The following TIA1 variants were observed in gnomAD, a reference collection of about 807,000 sequenced individuals.
TIA1 encodes cytotoxic granule associated RNA binding protein TIA1.
TIA1 carries 23 observed loss-of-function variants against 65.9 expected under a neutral mutation model. The ratio of observed to expected loss-of-function variants is 0.35; its 90% CI spans 0.25 to 0.49. TIA1 has a LOEUF of 0.49. Ranked by LOEUF, TIA1 falls within the 20% of genes least tolerant of loss-of-function variation. The pLI, the probability that TIA1 is intolerant of heterozygous loss-of-function variation, is 0.98. For missense variants in TIA1, 371 were observed against 477.9 expected, an observed-to-expected ratio of 0.78 and a Z score of 2.09; for synonymous variants, 147 against 149.4, an observed-to-expected ratio of 0.98 and a Z score of 0.12.
chr2:70,224,558 T>A lies in TIA1; in HGVS notation c.470A>T (p.Lys157Ile), dbSNP rs1213219472. Residue 157 changes from lysine (K) to isoleucine (I), a missense_variant, in exon 7 of 13, where the codon AAA becomes ATA. Lys to Ile is a moderately radical substitution (Grantham distance 102). Coordinates refer to ENST00000433529, the MANE Select transcript of TIA1 (RefSeq NM_022173.4). ...KGYGFVSFFN[K>I]WDAENAIQQM... ...TGCACTTCTCACTGAGCTCACCCATTTGTTGAAAAAGGAGACAAAGCCATA... is the reference window on the plus strand; with the variant it reads ...TGCACTTCTCACTGAGCTCACCCATATGTTGAAAAAGGAGACAAAGCCATA... 1 of 1,614,008 alleles carries A rather than the reference T, an allele frequency of 6.2e-7. No homozygotes were observed. The highest frequency in any genetic ancestry group is 1.7e-5 in the Admixed American group (1 of 60,010).
chr2:70,227,974 C>G (rs1040083705), intron 5 of TIA1, 152 bp from the exon 6 acceptor site: 1 of 359,742 alleles, frequency 2.8e-6, no homozygotes, highest in Admixed American at 4.7e-5. Context: ...CAAATCCTAC[C>G]AATTTTAAAC....
At chr2:70,245,444 T>G (rs1238290613) in intron 1 of TIA1, among the ~76,000 whole-genome samples, 2 of 152,224 alleles carry the variant, frequency 1.3e-5, no homozygotes, top group African/African-American at 2.4e-5. Context: ...TTGAGGGAAT[T>G]AACTTTCATC....
rs113989544 is a variant in TIA1, at chr2:70,241,475, T to A, written c.27-5300A>T. Among the ~76,000 whole-genome samples the A allele has an allele frequency of 2.8e-3, 433 of 152,168 alleles. 2 individuals carry two copies. The highest frequency in any genetic ancestry group is 5.2e-3 in the Non-Finnish European group (356 of 67,992). ...AAAAAAAAAGTTTTGACCAATGAAC[T>A]AGTGGTTTTACATGACTATGAATTC... On this transcript the variant is annotated intron_variant, in intron 1 of 12. Coordinates refer to ENST00000433529, the MANE Select transcript of TIA1 (RefSeq NM_022173.4).
At chr2:70,230,497 G>A (rs1438587207) in intron 3 of TIA1, among the ~76,000 whole-genome samples, 2 of 151,450 alleles carry the variant, frequency 1.3e-5, no homozygotes, top group Admixed American at 1.3e-4. Context: ...CTAAAAATAC[G>A]AAAAATTAGC....
intron 2 of TIA1, among the ~76,000 whole-genome samples, chr2:70,235,199 T>C (rs1360269207): frequency 6.6e-6 from 1 of 152,178 alleles, no homozygotes; most frequent in Non-Finnish European, 1.5e-5. Context: ...GTGGATCACC[T>C]GAGGTCGGGA....
rs1690097997 is a variant in TIA1 at position 70,238,405 on chromosome 2, G to T, written c.27-2230C>A. ...CCTGCCTCAGCCACCCACGTAGCTG[G>T]GGCTACAGGCGCCCGCCACCACGCC... On this transcript the variant is annotated intron_variant, in intron 1 of 12. Coordinates refer to ENST00000433529, the MANE Select transcript of TIA1 (RefSeq NM_022173.4). 2.7e-5 allele frequency among the ~76,000 whole-genome samples: 4 copies of T among 150,174 alleles called. No individual in the cohort carries two copies. The Admixed American group carries it at 2.7e-4, about 10-fold the overall frequency.
At chr2:70,214,858 GCTTA>G (rs1262000838) in intron 11 of TIA1, among the ~76,000 whole-genome samples, 3 of 152,120 alleles carry the variant, frequency 2.0e-5, no homozygotes, top group African/African-American at 4.8e-5. Flanking sequence ...TCTATATTCA[GCTTA>G]CTTAAGACAC....
At chr2:70,221,242 T>C (rs1368510507) in intron 7 of TIA1, among the ~76,000 whole-genome samples, 1 of 151,960 alleles carries the variant, frequency 6.6e-6, no homozygotes, top group African/African-American at 2.4e-5. Context: ...TCTGACCTCA[T>C]GATCTGCTTG....
intron 3 of TIA1, among the ~76,000 whole-genome samples, chr2:70,230,167 C>T (rs531541200): frequency 2.7e-5 from 4 of 149,576 alleles, no homozygotes; most frequent in Admixed American, 6.7e-5. Context: ...GGCATGAACC[C>T]GGAAGGCAGA....
intron 1 of TIA1, among the ~76,000 whole-genome samples, chr2:70,242,394 T>A (rs946178671): frequency 5.5e-5 from 8 of 144,656 alleles, no homozygotes; most frequent in Non-Finnish European, 5.9e-5. Context: ...TAGCCAAGTG[T>A]GATGGTGGGC....
At chr2:70,236,881 G>A (rs1369643180) in intron 1 of TIA1, among the ~76,000 whole-genome samples, 2 of 152,106 alleles carry the variant, frequency 1.3e-5, no homozygotes, top group African/African-American at 4.8e-5. Context: ...GCCTGCCTTG[G>A]CCTCCCAAAG....
Position 70,219,968 on chromosome 2 carries a change from T to C in TIA1, c.475-2974A>G, listed in dbSNP as rs138372291. ...CGCTTAACTAATGTTATGTGTTGAA[T>C]TGTGTCCCTCAAAACGATATGAAGT... is the stretch of plus-strand genomic sequence containing the variant. On this transcript the variant is annotated intron_variant, in intron 7 of 12. Transcript: ENST00000433529. 1.9e-3 allele frequency among the ~76,000 whole-genome samples: 282 copies of C among 152,278 alleles called. 1 individual carries two copies. Among genetic ancestry groups the C allele is most frequent in the Middle Eastern group, 6.8e-3 (2 of 294 alleles).
At chr2:70,216,177 G>T in intron 10 of TIA1, 31 bp downstream of exon 10, 1 of 1,473,378 alleles carries the variant, frequency 6.8e-7, no homozygotes, top group Non-Finnish European at 9.1e-7. Flanking sequence ...ACATTACCAA[G>T]AAAAATGTTT....
In TIA1 at chr2:70,214,649, A is replaced by C. The variant is rs1357518556; in HGVS notation, c.889-155T>G. On this transcript the variant is annotated intron_variant, in intron 11 of 12. Coordinates refer to ENST00000433529, the MANE Select transcript of TIA1 (RefSeq NM_022173.4). ...TTGACTGCTAAAAAAAAAAAAAAAA[A>C]AAAAAAAAACAAAAAACAACAACAA... Among the ~76,000 whole-genome samples, 22 of 151,576 alleles carry C rather than the reference A, an allele frequency of 1.5e-4. No individual in the cohort carries two copies. Among genetic ancestry groups the C allele is most frequent in the Non-Finnish European group, 2.9e-4 (20 of 67,928 alleles).
chr2:70,229,714 G>A (rs917903327), intron 3 of TIA1, among the ~76,000 whole-genome samples: 2 of 152,058 alleles, frequency 1.3e-5, no homozygotes, highest in African/African-American at 4.8e-5. Flanking sequence ...CAAGACAGGC[G>A]GATCACCTGA....
At chr2:70,230,675 ATGTTTC>A in intron 3 of TIA1, 75 bp downstream of exon 3, 2 of 1,075,888 alleles carry the variant, frequency 1.9e-6, no homozygotes, top group Non-Finnish European at 2.7e-6. Context: ...AAAGTGTTTA[ATGTTTC>A]TAAAAAGGAA....
chr2:70,227,381 T>C (rs1239835240), intron 6 of TIA1, among the ~76,000 whole-genome samples: 2 of 152,158 alleles, frequency 1.3e-5, no homozygotes, highest in Non-Finnish European at 1.5e-5. Flanking sequence ...CATGGTATCA[T>C]AGAAGTACCC....
At chr2:70,230,703 T>C (rs1001810674) in intron 3 of TIA1, 53 bp downstream of exon 3, 26 of 1,329,862 alleles carry the variant, frequency 2.0e-5, no homozygotes, top group Admixed American at 1.6e-4. Flanking sequence ...CAAAATCATA[T>C]ATAACTTAAA....
rs11380260 is a variant in TIA1, at chr2:70,242,494, C to CAAAAAAAAAAAAA, written c.26+5898_26+5910dup. On this transcript the variant is annotated intron_variant, in intron 1 of 12. Transcript: ENST00000433529. The stretch of plus-strand genomic sequence containing the variant: ...AGCCTGAGTGACAGAGACTCAGTCT[C>CAAAAAAAAAAAAA]AAAAAAAAAAAAAAAAAAAAAAAAA... Among the ~76,000 whole-genome samples, 4 of 33,468 alleles carry CAAAAAAAAAAAAA rather than the reference C, an allele frequency of 1.2e-4. 1 individual carries two copies. Among genetic ancestry groups the CAAAAAAAAAAAAA allele is most frequent in the African/African-American group, 5.7e-4 (4 of 7,048 alleles). The allele number at this position is 33,468 out of a possible 152,430, so 22.0% of individuals were successfully genotyped here. A position where few individuals can be genotyped will look rare whatever the true frequency, so the allele number is the denominator to read the frequency against.
Sources: gnomAD v4.1 joint callset for allele counts (sites outside exome capture counted in the v4.1 genomes callset) on GRCh38, gnomAD v4.1.1 for gene constraint, MANE v1.5 for transcripts, NCBI Gene and HGNC (gene_info 2026-07-23, HGNC 2026-07-21) for gene names.